Variants in GRIK4 observed in about 807,000 individuals in gnomAD.
GRIK4 encodes the protein glutamate receptor ionotropic, kainate 4.
Under a neutral mutation model 104.9 loss-of-function variants are expected in GRIK4, and 40 were observed. That is an observed-to-expected ratio of 0.38 (90% CI 0.30 to 0.50). GRIK4 has a LOEUF of 0.50. Among genes scored for constraint, GRIK4 ranks in the 20% least tolerant of loss-of-function variants. The pLI, the probability that GRIK4 is intolerant of heterozygous loss-of-function variation, is 0.93. For missense variants in GRIK4, 1,047 were observed against 1,308.1 expected (o/e 0.80, Z 3.08); for synonymous variants, 485 against 524.9 (o/e 0.92, Z 1.04).
chr11:120,620,585 T>C (rs1027847260), intron 1 of GRIK4, among the ~76,000 whole-genome samples: 7 of 152,196 alleles, frequency 4.6e-5, no homozygotes, highest in African/African-American at 1.4e-4. Flanking sequence ...TCCTCCTGCC[T>C]TGGCCTCCCA....
chr11:120,797,097 C>T (rs565132963), intron 3 of GRIK4, among the ~76,000 whole-genome samples: 25 of 152,220 alleles, frequency 1.6e-4, no homozygotes, highest in African/African-American at 4.8e-4. Flanking sequence ...CTGGGCATGC[C>T]GGAGGCATCT....
intron 8 of GRIK4, among the ~76,000 whole-genome samples, chr11:120,847,103 A>C (rs1266613147): frequency 2.0e-5 from 3 of 152,238 alleles, no homozygotes; most frequent in Non-Finnish European, 4.4e-5. Flanking sequence ...GTCCATGACA[A>C]CATTAAATTC....
chr11:120,929,822 T>C (rs1943442094), intron 13 of GRIK4, among the ~76,000 whole-genome samples: 1 of 131,520 alleles, frequency 7.6e-6, no homozygotes, highest in African/African-American at 2.7e-5. Flanking sequence ...CGCCCTCTAG[T>C]GGGGAACCTA....
At chr11:120,831,547 G>A (rs1475138660) in intron 6 of GRIK4, among the ~76,000 whole-genome samples, 1 of 152,184 alleles carries the variant, frequency 6.6e-6, no homozygotes, top group Non-Finnish European at 1.5e-5. Context: ...AGGGTGGTGG[G>A]GAGGAGGGGG....
chr11:120,672,416 T>TA (rs574224203), intron 3 of GRIK4, among the ~76,000 whole-genome samples: 28 of 149,516 alleles, frequency 1.9e-4, no homozygotes, highest in Non-Finnish European at 3.0e-4. Flanking sequence ...AACTCTGTCT[T>TA]AAAAAAAAAA....
At chr11:120,886,670 G>A (rs983157206) in intron 11 of GRIK4, among the ~76,000 whole-genome samples, 2 of 152,182 alleles carry the variant, frequency 1.3e-5, no homozygotes, top group African/African-American at 4.8e-5. Context: ...GAACTACCAC[G>A]AATAATGGAA....
At chr11:120,543,187 A>C (rs1948054015) in intron 1 of GRIK4, among the ~76,000 whole-genome samples, 1 of 152,218 alleles carries the variant, frequency 6.6e-6, no homozygotes, top group South Asian at 2.1e-4. Flanking sequence ...GGGTGATGAA[A>C]TAATCTGTAC....
chr11:120,764,408 C>G (rs1182145284), intron 3 of GRIK4, among the ~76,000 whole-genome samples: 1 of 152,182 alleles, frequency 6.6e-6, no homozygotes, highest in African/African-American at 2.4e-5. Flanking sequence ...ATTTGCCAGT[C>G]TGTGCCTTTT....
chr11:120,831,945 C>A lies in GRIK4; in HGVS notation c.605C>A (p.Pro202Gln), dbSNP rs771449360. The part of the protein sequence containing the change: ...RMLDDTRDPT[P>Q]LLKEIRDDKT... ...CTGGATGACACCCGGGACCCCACCC[C>A]GCTCCTCAAGGAGATCCGGGACGAC... Residue 202 changes from proline (P) to glutamine (Q), a missense_variant, in exon 7 of 21, where the codon CCG becomes CAG. Pro to Gln is a moderately conservative substitution (Grantham distance 76). Transcript: ENST00000527524. 5.0e-6 allele frequency: 8 copies of A among 1,613,924 alleles called. No individual in the cohort carries two copies. In the East Asian group the frequency reaches 1.1e-4, roughly 22 times the overall value.
chr11:120,912,319 G>T (rs1472236533), intron 13 of GRIK4, among the ~76,000 whole-genome samples: 1 of 152,148 alleles, frequency 6.6e-6, no homozygotes, highest in Non-Finnish European at 1.5e-5. Flanking sequence ...CAGAGAGTTG[G>T]CTAGAGTGGG....
intron 13 of GRIK4, among the ~76,000 whole-genome samples, chr11:120,910,515 G>C (rs1311011866): frequency 6.6e-6 from 1 of 152,182 alleles, no homozygotes; most frequent in Non-Finnish European, 1.5e-5. Context: ...CTCCTTTGCA[G>C]CTAAGCCCGC....
At chr11:120,681,486 C>G (rs1950192702) in intron 3 of GRIK4, among the ~76,000 whole-genome samples, 1 of 152,170 alleles carries the variant, frequency 6.6e-6, no homozygotes, top group Non-Finnish European at 1.5e-5. Flanking sequence ...TTTTCCCTCC[C>G]TCTCTTCATT....
intron 4 of GRIK4, among the ~76,000 whole-genome samples, chr11:120,811,333 C>A (rs1259691360): frequency 6.6e-6 from 1 of 152,034 alleles, no homozygotes; most frequent in Non-Finnish European, 1.5e-5. Flanking sequence ...TTCCAGTGGC[C>A]AAGGCAATCT....
At chr11:120,715,704 C>T (rs899121625) in intron 3 of GRIK4, among the ~76,000 whole-genome samples, 1 of 152,158 alleles carries the variant, frequency 6.6e-6, no homozygotes, top group African/African-American at 2.4e-5. Context: ...GGGAAGAAAA[C>T]GTCCCGTGTT....
At chr11:120,928,123 G>A (rs547208467) in intron 13 of GRIK4, among the ~76,000 whole-genome samples, 1 of 151,466 alleles carries the variant, frequency 6.6e-6, no homozygotes, top group African/African-American at 2.4e-5. Context: ...GCTGAGGCAG[G>A]AGAATGGCTG....
intron 7 of GRIK4, among the ~76,000 whole-genome samples, chr11:120,834,892 C>T (rs931758441): frequency 2.0e-5 from 3 of 152,258 alleles, no homozygotes; most frequent in African/African-American, 7.2e-5. Context: ...ACCCTCTGCC[C>T]CCAGCCTGTC....
intron 8 of GRIK4, among the ~76,000 whole-genome samples, chr11:120,850,290 C>G (rs1953944870): frequency 6.6e-6 from 1 of 152,030 alleles, no homozygotes; most frequent in Non-Finnish European, 1.5e-5. Flanking sequence ...TCATCGTAGT[C>G]ACAGTCCTGG....
At chr11:120,535,577 G>A (rs1173286875) in intron 1 of GRIK4, among the ~76,000 whole-genome samples, 1 of 152,114 alleles carries the variant, frequency 6.6e-6, no homozygotes, top group East Asian at 1.9e-4. Flanking sequence ...GGCAGGGTGT[G>A]TAGGGCAAGG....
intron 1 of GRIK4, among the ~76,000 whole-genome samples, chr11:120,644,931 C>T (rs1293554734): frequency 6.6e-6 from 1 of 152,098 alleles, no homozygotes; most frequent in Non-Finnish European, 1.5e-5. Context: ...AAAAAAAGAA[C>T]TTGGTGGAGA....
Sources: allele counts gnomAD v4.1 joint callset (sites outside exome capture counted in the v4.1 genomes callset), GRCh38; gene constraint gnomAD v4.1.1; transcripts MANE v1.5; gene names NCBI Gene and HGNC (gene_info 2026-07-23, HGNC 2026-07-21).